COL25A1: variants seen among roughly 807,000 people sequenced by gnomAD.
COL25A1 encodes collagen alpha-1(XXV) chain.
In COL25A1, 103 loss-of-function variants were observed where a neutral mutation model predicts 128.4. The ratio of observed to expected loss-of-function variants is 0.80; its 90% CI spans 0.68 to 0.94. The LOEUF (loss-of-function observed/expected upper bound fraction) is 0.94, where lower values mean the gene tolerates loss of function less well. COL25A1 is among the 40% of genes least tolerant of loss of function. The pLI is 0.00. For synonymous variants in COL25A1, 279 were observed against 277.2 expected, an observed-to-expected ratio of 1.01 and a Z score of -0.06; for missense variants, 745 against 840.0, an observed-to-expected ratio of 0.89 and a Z score of 1.40.
At chr4:109,224,897 G>A (rs1323359909) in intron 3 of COL25A1, among the ~76,000 whole-genome samples, 6 of 152,312 alleles carry the variant, frequency 3.9e-5, no homozygotes, top group East Asian at 1.9e-4. Context: ...CCGAGATTGC[G>A]CCATTGGACG....
intron 3 of COL25A1, among the ~76,000 whole-genome samples, chr4:109,107,209 C>A (rs1000606701): frequency 6.6e-6 from 1 of 152,060 alleles, no homozygotes; most frequent in Non-Finnish European, 1.5e-5. Context: ...TAGGTAGTTA[C>A]TGAGAACACC....
chr4:109,073,852 T>C (rs1352103144), intron 3 of COL25A1, among the ~76,000 whole-genome samples: 1 of 152,192 alleles, frequency 6.6e-6, no homozygotes, highest in Non-Finnish European at 1.5e-5. Context: ...CTCAATGTCA[T>C]TTCCATGACA....
At chr4:109,271,573 G>A (rs1047416873) in intron 3 of COL25A1, among the ~76,000 whole-genome samples, 3 of 152,278 alleles carry the variant, frequency 2.0e-5, no homozygotes, top group Admixed American at 6.5e-5. Flanking sequence ...GCTCTTTGGA[G>A]GCCTAAATTT....
rs77326945 is a variant in COL25A1, at chr4:109,208,676, G to A, written c.367+91907C>T. On this transcript the variant is annotated intron_variant, in intron 3 of 37. Transcript: ENST00000399132. ...CATTACGAAGGAAAGTGATAACTCA[G>A]ATAAATGATTTTGTTTCCATTTTAG... 0.012 allele frequency among the ~76,000 whole-genome samples: 1,756 copies of A among 152,178 alleles called. 60 individuals carry two copies. In the South Asian group the frequency reaches 0.14, roughly 12 times the overall value.
chr4:108,991,937 A>G (rs1754274506), intron 6 of COL25A1, among the ~76,000 whole-genome samples: 1 of 152,182 alleles, frequency 6.6e-6, no homozygotes, highest in Non-Finnish European at 1.5e-5. Context: ...TGAGTTTTGT[A>G]AATTTTAGTA....
rs1167037254 is a variant in COL25A1, at chr4:108,811,878, A to T, written c.*2049T>A. On this transcript the variant is annotated 3_prime_UTR_variant, in exon 38 of 38. Transcript: ENST00000399132. ...TTTTGTATGACTGTCATTTGGTTAC[A>T]TAACATAAATGAGATCATGAGGATT... 6.6e-6 allele frequency: 1 copy of T among 152,242 alleles called. No individual in the cohort carries two copies. Among genetic ancestry groups the T allele is most frequent in the East Asian group, 1.9e-4 (1 of 5,204 alleles). The allele number at this position is 152,242 out of a possible 1,614,324, so 9.4% of individuals were successfully genotyped here.
At chr4:109,064,502 T>G (rs1762245364) in intron 3 of COL25A1, among the ~76,000 whole-genome samples, 2 of 152,208 alleles carry the variant, frequency 1.3e-5, no homozygotes, top group Non-Finnish European at 2.9e-5. Context: ...TGTTTGTATC[T>G]TTCTATCGAT....
intron 16 of COL25A1, among the ~76,000 whole-genome samples, chr4:108,893,816 C>A (rs1741820531): frequency 6.6e-6 from 1 of 151,960 alleles, no homozygotes; most frequent in African/African-American, 2.4e-5. Flanking sequence ...ATGACAGAAG[C>A]AGGAAATGTT....
chr4:109,247,416 G>C (rs1385825841), intron 3 of COL25A1, among the ~76,000 whole-genome samples: 1 of 152,136 alleles, frequency 6.6e-6, no homozygotes, highest in Non-Finnish European at 1.5e-5. Flanking sequence ...TTGAATGTCA[G>C]GTAAGGAAAA....
intron 12 of COL25A1, 34 bp from the exon 13 acceptor site, chr4:108,918,250 C>A (rs758382382): frequency 2.1e-6 from 3 of 1,461,708 alleles, no homozygotes; most frequent in African/African-American, 2.8e-5. Flanking sequence ...CAGTTGATAT[C>A]ATACACAAAA....
At chr4:108,859,862 T>C (rs932209382) in intron 23 of COL25A1, 129 bp from the exon 24 acceptor site, 2 of 608,328 alleles carry the variant, frequency 3.3e-6, no homozygotes, top group Non-Finnish European at 5.8e-6. Context: ...CCAACTGTAC[T>C]TTAGAATATA....
At chr4:109,054,243 T>C (rs915199926) in intron 3 of COL25A1, among the ~76,000 whole-genome samples, 1 of 152,218 alleles carries the variant, frequency 6.6e-6, no homozygotes, top group Non-Finnish European at 1.5e-5. Context: ...AAGGAGGCAA[T>C]TTAATATACT....
At chr4:108,955,088 T>C (rs1207867667) in intron 8 of COL25A1, among the ~76,000 whole-genome samples, 1 of 152,004 alleles carries the variant, frequency 6.6e-6, no homozygotes, top group Admixed American at 6.6e-5. Flanking sequence ...CTCACATATG[T>C]GGTTAAAAAA....
intron 6 of COL25A1, among the ~76,000 whole-genome samples, chr4:108,987,634 A>G (rs1326400728): frequency 2.0e-5 from 3 of 152,062 alleles, no homozygotes; most frequent in African/African-American, 7.2e-5. Context: ...TCTGCGTCCC[A>G]AAGTGCTGGG....
rs116206839 is a variant in COL25A1, at chr4:109,011,989, A to G, written c.421-1614T>C. On this transcript the variant is annotated intron_variant, in intron 5 of 37. Transcript: ENST00000399132. ...AAAATCAGCACTAAACGTAGAGAAG[A>G]TTTCTATGGAGACACTATGAAGGTT... Among the ~76,000 whole-genome samples, 778 of 152,160 alleles carry G rather than the reference A, an allele frequency of 5.1e-3. 3 individuals carry two copies. The highest frequency in any genetic ancestry group is 7.6e-3 in the Non-Finnish European group (515 of 68,008).
chr4:109,224,646 A>G (rs1240069292), intron 3 of COL25A1, among the ~76,000 whole-genome samples: 3 of 152,156 alleles, frequency 2.0e-5, no homozygotes. Flanking sequence ...TACCTTAAAA[A>G]TACAAATGCC....
At chr4:109,297,582 C>T (rs996979826) in intron 3 of COL25A1, among the ~76,000 whole-genome samples, 1 of 35,654 alleles carries the variant, frequency 2.8e-5, no homozygotes, top group African/African-American at 9.1e-4. Flanking sequence ...ATGATTATCT[C>T]ATGAATAATC....
chr4:108,900,009 A>C (rs1032061457), intron 14 of COL25A1, among the ~76,000 whole-genome samples: 1 of 152,166 alleles, frequency 6.6e-6, no homozygotes, highest in Non-Finnish European at 1.5e-5. Context: ...CCATAAGATC[A>C]GACTGCTTTG....
intron 8 of COL25A1, 23 bp downstream of exon 8, chr4:108,974,344 A>G: frequency 1.2e-6 from 2 of 1,613,284 alleles, no homozygotes; most frequent in Non-Finnish European, 1.7e-6. Context: ...TTTTCCGCCC[A>G]AGATAGGTAG....
Sources: allele counts gnomAD v4.1 joint callset (sites outside exome capture counted in the v4.1 genomes callset), GRCh38; gene constraint gnomAD v4.1.1; transcripts MANE v1.5; gene names NCBI Gene and HGNC (gene_info 2026-07-23, HGNC 2026-07-21).